The following OTUD4 variants were observed in gnomAD, a reference collection of about 807,000 sequenced individuals.
OTUD4 encodes the protein OTU deubiquitinase 4, also known as OTU domain-containing protein 4.
Under a neutral mutation model 130.4 loss-of-function variants are expected in OTUD4, and 24 were observed. The ratio of observed to expected loss-of-function variants is 0.18; its 90% CI spans 0.13 to 0.26. OTUD4 has a LOEUF of 0.26. OTUD4 is among the 10% of genes least tolerant of loss of function. The probability of loss-of-function intolerance (pLI) is 1.00; values close to 1 mark genes in which losing one functional copy is unlikely to be tolerated. For synonymous variants in OTUD4, 420 were observed against 472.5 expected, an observed-to-expected ratio of 0.89 and a Z score of 1.44; for missense variants, 1,031 against 1,329.4, an observed-to-expected ratio of 0.78 and a Z score of 3.49.
At chr4:145,156,758 C>T (rs1027996967) in intron 7 of OTUD4, among the ~76,000 whole-genome samples, 1 of 152,102 alleles carries the variant, frequency 6.6e-6, no homozygotes, top group Admixed American at 6.5e-5. Flanking sequence ...TTTAAATTCA[C>T]TGTCACATAC....
intron 3 of OTUD4, among the ~76,000 whole-genome samples, chr4:145,167,639 C>T (rs1041286346): frequency 2.0e-5 from 3 of 152,164 alleles, no homozygotes; most frequent in African/African-American, 7.2e-5. Flanking sequence ...GGTGGATTAC[C>T]TGAGGTCAGG....
chr4:145,172,017 C>CT (rs1236050244), intron 2 of OTUD4, among the ~76,000 whole-genome samples: 1 of 152,214 alleles, frequency 6.6e-6, no homozygotes, highest in Non-Finnish European at 1.5e-5. Flanking sequence ...AGCTGATACT[C>CT]TACAGAGAGG....
At chr4:145,157,868 T>C (rs1385491596) in intron 7 of OTUD4, among the ~76,000 whole-genome samples, 1 of 152,094 alleles carries the variant, frequency 6.6e-6, no homozygotes, top group Non-Finnish European at 1.5e-5. Context: ...ATACTTCACC[T>C]GCCAACTGCC....
At chr4:145,176,562 G>A (rs1052618520) in intron 1 of OTUD4, among the ~76,000 whole-genome samples, 3 of 151,916 alleles carry the variant, frequency 2.0e-5, no homozygotes, top group African/African-American at 4.8e-5. Context: ...AGCCAGGTGT[G>A]GTGGTGCGTG....
intron 14 of OTUD4, among the ~76,000 whole-genome samples, chr4:145,145,801 T>G (rs1750791575): frequency 6.6e-6 from 1 of 152,122 alleles, no homozygotes; most frequent in African/African-American, 2.4e-5. Flanking sequence ...CAGAGAAGCA[T>G]CCATCACAGC....
Position 145,138,019 on chromosome 4 carries a change from T to C in OTUD4, c.2756A>G (p.His919Arg). 5 of 1,614,210 alleles carry C rather than the reference T, an allele frequency of 3.1e-6. No individual in the cohort carries two copies. Among genetic ancestry groups the C allele is most frequent in the Non-Finnish European group, 4.2e-6 (5 of 1,180,034 alleles). The change falls in exon 21 of 21, where the codon CAT becomes CGT. Residue 919 changes from histidine (H) to arginine (R), a missense_variant. Around this residue, in one of 3 missense-constraint regions of OTUD4, gnomAD observed 900 missense variants for 1,095.9 expected, o/e 0.82. Transcript: ENST00000447906. ...ACTTGCTTCAGGGAGAGAATGTACA[T>C]GTTCACCCCTGGCTTCTGGAAACTC... Reference protein sequence around the residue: ...VDEFPEARGEHVHSLPEASVS... With the variant: ...VDEFPEARGERVHSLPEASVS...
rs755956069 is a variant in OTUD4, at chr4:145,155,661, G to A, written c.716C>T (p.Thr239Ile). Reference protein sequence around the residue: ...NEQLKNNGNSTSLPLSRKVLK... With the variant: ...NEQLKNNGNSISLPLSRKVLK... ...AACCTTTCTAGACAAAGGCAGGCTAGTAGAGTTCCCATTGTTCTTCAGCTG... is the reference window on the plus strand; with the variant it reads ...AACCTTTCTAGACAAAGGCAGGCTAATAGAGTTCCCATTGTTCTTCAGCTG... The change falls in exon 9 of 21, where the codon ACT becomes ATT. Residue 239 changes from threonine (T) to isoleucine (I), a missense_variant. By Grantham distance (89) the Thr-to-Ile change is moderately conservative (BLOSUM62 -1). Around this residue, in one of 3 missense-constraint regions of OTUD4, gnomAD observed 900 missense variants for 1,095.9 expected, o/e 0.82. Coordinates refer to ENST00000447906, the MANE Select transcript of OTUD4 (RefSeq NM_001366057.1). 1.9e-6 allele frequency: 3 copies of A among 1,608,764 alleles called. No individual in the cohort carries two copies. In the African/African-American group the frequency reaches 4.0e-5, roughly 22 times the overall value.
chr4:145,170,233 G>A (rs1752090006), intron 3 of OTUD4, among the ~76,000 whole-genome samples: 1 of 152,208 alleles, frequency 6.6e-6, no homozygotes, highest in African/African-American at 2.4e-5. Flanking sequence ...ATCACACTTT[G>A]AGAAACACGG....
At chr4:145,154,315 T>C (rs979946638) in intron 10 of OTUD4, among the ~76,000 whole-genome samples, 5 of 152,210 alleles carry the variant, frequency 3.3e-5, no homozygotes, top group Admixed American at 3.3e-4. Flanking sequence ...TGTTCTCTTC[T>C]CCCTCACCTT....
intron 1 of OTUD4, among the ~76,000 whole-genome samples, chr4:145,176,282 TAA>T (rs765518955): frequency 6.6e-6 from 1 of 151,450 alleles, no homozygotes; most frequent in Non-Finnish European, 1.5e-5. Context: ...TCCTGTACCG[TAA>T]AGGGTTATGG....
At chr4:145,165,788 G>A (rs149179096) in intron 3 of OTUD4, among the ~76,000 whole-genome samples, 185 of 152,206 alleles carry the variant, frequency 1.2e-3, no homozygotes, top group African/African-American at 3.9e-3. Flanking sequence ...AGTTGAGAAC[G>A]TATTGAAGGC....
Position 145,174,849 on chromosome 4 carries a change from G to A in OTUD4, c.160-105C>T, listed in dbSNP as rs1752344495. On this transcript the variant is annotated intron_variant, in intron 1 of 20. Transcript: ENST00000447906. ...TAATCTGACAACCAATAGATTATCAGTCTTTCTCCATTTCCCTTTCTATAA... is the reference window on the plus strand; with the variant it reads ...TAATCTGACAACCAATAGATTATCAATCTTTCTCCATTTCCCTTTCTATAA... 1.8e-5 allele frequency: 12 copies of A among 661,470 alleles called. No individual in the cohort carries two copies. The East Asian group carries it at 3.3e-4, about 18-fold the overall frequency. 41.0% of individuals were successfully genotyped at this position (661,470 alleles called of 1,614,324 possible).
Position 145,138,423 on chromosome 4 carries a change from C to T in OTUD4, c.2352G>A (p.Glu784=). ...GTGAAGAAAATGTCGGCGGTCCAAT[C>T]TCTGGCTGTGGCATTTGACCATTAA... ...ASVNGQMPQP[E]IGPPTFSSPL... The change falls in exon 21 of 21, where the codon GAG becomes GAA. Residue 784 remains glutamate, a synonymous_variant. Coordinates refer to ENST00000447906, the MANE Select transcript of OTUD4 (RefSeq NM_001366057.1). 2 of 1,614,208 alleles carry T rather than the reference C, an allele frequency of 1.2e-6. No homozygotes were observed. Among genetic ancestry groups the T allele is most frequent in the Non-Finnish European group, 1.7e-6 (2 of 1,180,050 alleles).
chr4:145,169,232 A>G (rs538336057), intron 3 of OTUD4, among the ~76,000 whole-genome samples: 138 of 152,354 alleles, frequency 9.1e-4, no homozygotes, highest in Non-Finnish European at 1.6e-3. Flanking sequence ...GAGCATATAC[A>G]CTTGTCAAAT....
At chr4:145,168,876 A>C (rs1428726009) in intron 3 of OTUD4, among the ~76,000 whole-genome samples, 2 of 152,252 alleles carry the variant, frequency 1.3e-5, no homozygotes, top group African/African-American at 2.4e-5. Context: ...CAATTTTAAC[A>C]ACCCAGAACT....
intron 6 of OTUD4, 149 bp from the exon 7 acceptor site, chr4:145,159,784 T>C: frequency 1.4e-6 from 1 of 727,358 alleles, no homozygotes; most frequent in Non-Finnish European, 2.2e-6. Context: ...ATAACATAAT[T>C]TTATCAGAAA....
intron 2 of OTUD4, among the ~76,000 whole-genome samples, chr4:145,174,068 C>T (rs993806101): frequency 7.4e-5 from 11 of 147,932 alleles, no homozygotes; most frequent in Middle Eastern, 3.5e-3. Flanking sequence ...GGTGCAGCGG[C>T]GCAACTCGGC....
chr4:145,163,703 CTTTTTTT>C (rs11430342), intron 5 of OTUD4, among the ~76,000 whole-genome samples: 4 of 126,518 alleles, frequency 3.2e-5, no homozygotes, highest in African/African-American at 1.2e-4. Flanking sequence ...TAATAGGAAC[CTTTTTTT>C]TTTTTTTTTT....
rs532331633 is a variant in OTUD4, at chr4:145,174,594, A to G, written c.243+67T>C. 31 of 858,252 alleles carry G rather than the reference A, an allele frequency of 3.6e-5. No individual in the cohort carries two copies. The East Asian group carries it at 7.0e-4, about 19-fold the overall frequency. 53.2% of individuals were successfully genotyped at this position (858,252 alleles called of 1,614,324 possible). On this transcript the variant is annotated intron_variant, in intron 2 of 20. Coordinates refer to ENST00000447906, the MANE Select transcript of OTUD4 (RefSeq NM_001366057.1). ...ATCCAGCCTGTGAAATTCTACTAGA[A>G]CACTTCTAAAAGCCAAAATGTAAAA...
Sources: allele counts gnomAD v4.1 joint callset (sites outside exome capture counted in the v4.1 genomes callset), GRCh38; gene constraint gnomAD v4.1.1; regional missense constraint gnomAD v4.1.1; transcripts MANE v1.5; gene names NCBI Gene and HGNC (gene_info 2026-07-23, HGNC 2026-07-21).